Variants in SLCO3A1 observed in about 807,000 individuals in gnomAD.
SLCO3A1 encodes the protein solute carrier organic anion transporter family member 3A1, also known as PGE1 transporter.
A neutral mutation model predicts 63.1 loss-of-function variants in SLCO3A1; 27 were observed. That is an observed-to-expected ratio of 0.43 (90% CI 0.32 to 0.59). The LOEUF is 0.59. Among genes scored for constraint, SLCO3A1 ranks in the 20% least tolerant of loss-of-function variants. The pLI is 0.09. For synonymous variants in SLCO3A1, 473 were observed against 409.9 expected (o/e 1.15, Z -1.86); for missense variants, 773 against 945.8 (o/e 0.82, Z 2.40).
At chr15:91,952,859 C>T (rs1318661780) in intron 2 of SLCO3A1, among the ~76,000 whole-genome samples, 1 of 152,184 alleles carries the variant, frequency 6.6e-6, no homozygotes, top group Non-Finnish European at 1.5e-5. Context: ...TTCCCATTGA[C>T]CGCATCACAC....
intron 4 of SLCO3A1, among the ~76,000 whole-genome samples, chr15:92,117,733 A>G (rs2047813204): frequency 6.6e-6 from 1 of 152,220 alleles, no homozygotes; most frequent in South Asian, 2.1e-4. Flanking sequence ...ACAGTATAGC[A>G]AATCAGATTT....
intron 1 of SLCO3A1, among the ~76,000 whole-genome samples, chr15:91,864,419 A>G (rs938517920): frequency 1.3e-5 from 2 of 152,092 alleles, no homozygotes; most frequent in African/African-American, 2.4e-5. Flanking sequence ...ATAAACAAGT[A>G]TAAATAAAAA....
intron 2 of SLCO3A1, among the ~76,000 whole-genome samples, chr15:92,046,215 C>A (rs938433275): frequency 7.2e-5 from 11 of 152,040 alleles, no homozygotes; most frequent in African/African-American, 2.7e-4. Context: ...ATAAAAACAT[C>A]TTCAAAAAGT....
At position 92,084,579 on chromosome 15, in the gene SLCO3A1, T is replaced by G. The variant is rs114626314; in HGVS notation, c.647-10302T>G. Among the ~76,000 whole-genome samples the G allele has an allele frequency of 2.0e-3, 306 of 152,240 alleles. 2 individuals are homozygous for G. Among genetic ancestry groups the G allele is most frequent in the African/African-American group, 7.0e-3 (291 of 41,528 alleles). ...AGACCTTGAGGGTCAGAAACACGAA[T>G]GGGTGCATCTAATTGCAAAGTGAGT... On this transcript the variant is annotated intron_variant, in intron 2 of 9. Coordinates refer to ENST00000318445, the MANE Select transcript of SLCO3A1 (RefSeq NM_013272.4).
chr15:92,164,967 G>T lies in SLCO3A1; in HGVS notation c.*1832G>T, dbSNP rs925447638. 2.0e-6 allele frequency: 2 copies of T among 984,878 alleles called. No individual in the cohort carries two copies. The highest frequency in any genetic ancestry group is 6.2e-5 in the Admixed American group (1 of 16,246). The allele number at this position is 984,878 out of a possible 1,614,324, so 61.0% of individuals were successfully genotyped here. On this transcript the variant is annotated 3_prime_UTR_variant, in exon 10 of 10. Coordinates refer to ENST00000318445, the MANE Select transcript of SLCO3A1 (RefSeq NM_013272.4). ...CTGGCGCTGGAAAAAAAACTCAAAG[G>T]TTGATTGGTTTGCTTTTTCACCTTG...
intron 1 of SLCO3A1, among the ~76,000 whole-genome samples, chr15:91,895,399 A>G (rs1382651013): frequency 6.6e-6 from 1 of 152,208 alleles, no homozygotes; most frequent in Non-Finnish European, 1.5e-5. Flanking sequence ...AATGTGATGC[A>G]TATTTGTTGC....
chr15:91,958,901 C>T (rs1900334370), intron 2 of SLCO3A1, among the ~76,000 whole-genome samples: 1 of 152,102 alleles, frequency 6.6e-6, no homozygotes, highest in African/African-American at 2.4e-5. Context: ...CCATTCCATC[C>T]AGCAATCCCA....
Position 91,854,254 on chromosome 15 carries a change from C to A in SLCO3A1, c.180+166C>A. ...CAGAGGCGGCCGCCGGGGGAGCTGC[C>A]GGCCGGGGCTGCCAGCGAGCGGGTA... is the stretch of plus-strand genomic sequence containing the variant. On this transcript the variant is annotated intron_variant, in intron 1 of 9. Coordinates refer to ENST00000318445, the MANE Select transcript of SLCO3A1 (RefSeq NM_013272.4). This position sits in a 1 kb window ranked among gnomAD's most constrained non-coding sequence, Gnocchi z 6.4. 1.8e-6 allele frequency: 2 copies of A among 1,115,762 alleles called. No individual in the cohort carries two copies. Among genetic ancestry groups the A allele is most frequent in the Non-Finnish European group, 2.2e-6 (2 of 896,916 alleles). 69.1% of individuals were successfully genotyped at this position (1,115,762 alleles called of 1,614,324 possible).
chr15:91,910,519 G>T (rs903252601), intron 1 of SLCO3A1, among the ~76,000 whole-genome samples: 2 of 152,230 alleles, frequency 1.3e-5, no homozygotes, highest in African/African-American at 2.4e-5. Flanking sequence ...TTTTTAGTGT[G>T]CACCTACTGT....
At chr15:91,920,136 C>T (rs1415912687) in intron 2 of SLCO3A1, among the ~76,000 whole-genome samples, 1 of 152,174 alleles carries the variant, frequency 6.6e-6, no homozygotes, top group East Asian at 1.9e-4. Flanking sequence ...TTAAACAAAG[C>T]AGATAGGTAA....
At chr15:91,978,567 G>T (rs965776384) in intron 2 of SLCO3A1, among the ~76,000 whole-genome samples, 2 of 152,028 alleles carry the variant, frequency 1.3e-5, no homozygotes, top group Non-Finnish European at 2.9e-5. Flanking sequence ...TAGTACAAAT[G>T]TGTTACTTTT....
At chr15:91,987,723 G>A (rs1279164656) in intron 2 of SLCO3A1, among the ~76,000 whole-genome samples, 4 of 143,082 alleles carry the variant, frequency 2.8e-5, no homozygotes, top group African/African-American at 5.2e-5. Flanking sequence ...CAGCCTGGGC[G>A]ACAGAGCGAG....
chr15:92,049,968 C>T (rs750401247), intron 2 of SLCO3A1, among the ~76,000 whole-genome samples: 5 of 152,124 alleles, frequency 3.3e-5, no homozygotes, highest in Non-Finnish European at 5.9e-5. Flanking sequence ...CAAATGTCAG[C>T]GGAATTTCTT....
At chr15:92,077,906 T>G (rs1272909729) in intron 2 of SLCO3A1, among the ~76,000 whole-genome samples, 1 of 152,226 alleles carries the variant, frequency 6.6e-6, no homozygotes, top group African/African-American at 2.4e-5. Context: ...CTGCAGGACC[T>G]GGGCTCCTAC....
intron 4 of SLCO3A1, 90 bp downstream of exon 4, chr15:92,104,632 G>GCCAC: frequency 7.4e-7 from 1 of 1,354,586 alleles, no homozygotes; most frequent in Admixed American, 2.3e-5. Context: ...GGACTGGGGT[G>GCCAC]CTTGGGGACT....
chr15:91,879,850 A>G (rs1897508954), intron 1 of SLCO3A1, among the ~76,000 whole-genome samples: 1 of 152,140 alleles, frequency 6.6e-6, no homozygotes, highest in South Asian at 2.1e-4. Context: ...GCTCTTAACG[A>G]GATTCCTGAA....
chr15:92,016,220 G>C (rs889523203), intron 2 of SLCO3A1, among the ~76,000 whole-genome samples: 4 of 83,302 alleles, frequency 4.8e-5, no homozygotes, highest in African/African-American at 1.4e-4. Context: ...TAGATAGATA[G>C]ATAGATAGAT....
intron 1 of SLCO3A1, among the ~76,000 whole-genome samples, chr15:91,899,484 C>T (rs1327751255): frequency 6.6e-6 from 1 of 152,124 alleles, no homozygotes; most frequent in Non-Finnish European, 1.5e-5. Flanking sequence ...TATGTAGTTC[C>T]AACGTGACTC....
chr15:91,890,897 G>T (rs565201303), intron 1 of SLCO3A1, among the ~76,000 whole-genome samples: 10 of 152,182 alleles, frequency 6.6e-5, no homozygotes, highest in Non-Finnish European at 1.2e-4. Context: ...GCTGGGTGGG[G>T]ACTGCCCATT....
Sources: allele counts gnomAD v4.1 joint callset (sites outside exome capture counted in the v4.1 genomes callset), GRCh38; gene constraint gnomAD v4.1.1; non-coding constraint Gnocchi (gnomAD v3.1); transcripts MANE v1.5; gene names NCBI Gene and HGNC (gene_info 2026-07-23, HGNC 2026-07-21).